SEPTIN8: variants seen among roughly 807,000 people sequenced by gnomAD.
The protein encoded by SEPTIN8 is septin-8.
Under a neutral mutation model 53.1 loss-of-function variants are expected in SEPTIN8, and 22 were observed. The ratio of observed to expected loss-of-function variants is 0.41; its 90% CI spans 0.30 to 0.59. The LOEUF is 0.59. SEPTIN8 is among the 20% of genes least tolerant of loss of function. The pLI is 0.24. For missense variants in SEPTIN8, 536 were observed against 638.7 expected, an observed-to-expected ratio of 0.84 and a Z score of 1.73; for synonymous variants, 228 against 248.4, an observed-to-expected ratio of 0.92 and a Z score of 0.77.
chr5:132,763,735 G>C lies in SEPTIN8; in HGVS notation c.505C>G (p.Leu169Val), dbSNP rs1369131612. 1 of 1,614,164 alleles carries C rather than the reference G, an allele frequency of 6.2e-7. No homozygotes were observed. The highest frequency in any genetic ancestry group is 8.5e-7 in the Non-Finnish European group (1 of 1,179,984). The stretch of plus-strand genomic sequence containing the variant: ...CTGTCTAGTTTCTTCATGGTCACTA[G>C]ATCTAGAGACTTCAGGGAGTGCCCT... ...PTGHSLKSLD[L>V]VTMKKLDSKV... The change falls in exon 4 of 10, where the codon CTA (leucine) becomes GTA (valine). Residue 169 changes from leucine (L) to valine (V), a missense_variant. Transcript: ENST00000378719.
chr5:132,774,476 C>T lies in SEPTIN8; in HGVS notation c.30+2632G>A, dbSNP rs72799432. 8.6e-4 allele frequency among the ~76,000 whole-genome samples: 131 copies of T among 152,244 alleles called. 1 individual carries two copies. The highest frequency in any genetic ancestry group is 1.4e-3 in the Non-Finnish European group (93 of 68,012). ...AAGAGTGGACAGGAATCTGGCTGCC[C>T]GAGGAAGGCAAGAGGCAACACACCC... On this transcript the variant is annotated intron_variant, in intron 1 of 9. Transcript: ENST00000378719.
At chr5:132,770,099 ATGTATATATG>A (rs1757130751) in intron 1 of SEPTIN8, among the ~76,000 whole-genome samples, 8 of 22,928 alleles carry the variant, frequency 3.5e-4, no homozygotes, top group African/African-American at 5.8e-4. Context: ...GTATATATAT[ATGTATATATG>A]TATATATATA....
Position 132,777,044 on chromosome 5 carries a change from T to A in SEPTIN8, c.30+64A>T. On this transcript the variant is annotated intron_variant, in intron 1 of 9. Transcript: ENST00000378719. The surrounding 1 kb of genome is among the most constrained non-coding windows in gnomAD (Gnocchi z 4.1). Reference sequence around the variant, plus strand: ...AGCCCGCTTCGCGCCCCCCGCCAGCTGCAGGGCGGCCCCTCCTGCGCCCCG... The same window carrying A: ...AGCCCGCTTCGCGCCCCCCGCCAGCAGCAGGGCGGCCCCTCCTGCGCCCCG... 7 of 1,022,624 alleles carry A rather than the reference T, an allele frequency of 6.8e-6. No individual in the cohort carries two copies. The highest frequency in any genetic ancestry group is 4.1e-4 in the Middle Eastern group (1 of 2,458). 63.3% of individuals were successfully genotyped at this position (1,022,624 alleles called of 1,614,324 possible). A position where few individuals can be genotyped will look rare whatever the true frequency, so the allele number is the denominator to read the frequency against.
chr5:132,768,642 T>C (rs900700537), intron 1 of SEPTIN8, among the ~76,000 whole-genome samples: 1 of 152,174 alleles, frequency 6.6e-6, no homozygotes, highest in Admixed American at 6.5e-5. Flanking sequence ...GCCCTGCAAT[T>C]TGGTGGGTGA....
intron 3 of SEPTIN8, 125 bp downstream of exon 3, chr5:132,764,099 G>T: frequency 9.2e-7 from 1 of 1,089,548 alleles, no homozygotes; most frequent in Non-Finnish European, 1.3e-6. Context: ...TGACCACAGA[G>T]CCTCAGATAT....
intron 1 of SEPTIN8, among the ~76,000 whole-genome samples, chr5:132,771,879 G>A (rs371699004): frequency 2.0e-5 from 3 of 151,906 alleles, no homozygotes; most frequent in South Asian, 4.2e-4. Flanking sequence ...AGACATACGT[G>A]GGAGGGTGGG....
chr5:132,767,384 G>A lies in SEPTIN8; in HGVS notation c.31-1855C>T, dbSNP rs536454154. 7.2e-5 allele frequency among the ~76,000 whole-genome samples: 11 copies of A among 152,024 alleles called. No individual in the cohort carries two copies. The East Asian group carries it at 7.7e-4, about 11-fold the overall frequency. On this transcript the variant is annotated intron_variant, in intron 1 of 9. Coordinates refer to ENST00000378719, the MANE Select transcript of SEPTIN8 (RefSeq NM_001098811.2). ...CTTTTCAAACTCTGCCCCTCCCCTC[G>A]GCTCTACAGCTACTCTACTTTTCCC...
In SEPTIN8 at chr5:132,750,831, T is replaced by C. The variant is rs1445041065; in HGVS notation, c.*1185A>G. 1 of 1,611,476 alleles carries C rather than the reference T, an allele frequency of 6.2e-7. No individual in the cohort carries two copies. The highest frequency in any genetic ancestry group is 8.5e-7 in the Non-Finnish European group (1 of 1,179,030). Reference sequence around the variant, plus strand: ...AGCTACTATGACATGATGTAGGGCTTTGGCCTCTTTATTTTCTTTTTACAG... The same window carrying C: ...AGCTACTATGACATGATGTAGGGCTCTGGCCTCTTTATTTTCTTTTTACAG... On this transcript the variant is annotated 3_prime_UTR_variant, in exon 10 of 10. Coordinates refer to ENST00000378719, the MANE Select transcript of SEPTIN8 (RefSeq NM_001098811.2).
chr5:132,756,498 AAG>A (rs765422038), intron 9 of SEPTIN8: 19 of 985,442 alleles, frequency 1.9e-5, no homozygotes, highest in Middle Eastern at 1.0e-3. Flanking sequence ...CAATGAGAAA[AAG>A]AGGGGTAAAT....
chr5:132,760,944 G>A lies in SEPTIN8; in HGVS notation c.1144C>T (p.Arg382Cys), dbSNP rs371228279. 34 of 1,598,422 alleles carry A rather than the reference G, an allele frequency of 2.1e-5. No homozygotes were observed. In the Middle Eastern group the frequency reaches 5.2e-4, roughly 24 times the overall value. Residue 382 changes from arginine to cysteine, a missense_variant, in exon 9 of 10, where the codon CGC becomes TGC. Arg to Cys is a radical substitution (Grantham distance 180, BLOSUM62 -3). Transcript: ENST00000378719. This position sits in a 1 kb window ranked among gnomAD's most constrained non-coding sequence, Gnocchi z 5.2. ...HLKRVHQEEKRKVEEKRRELE... is the reference protein window; with the variant it reads ...HLKRVHQEEKCKVEEKRRELE... ...TCCCGGCGCTTTTCCTCCACCTTGC[G>A]CTTCTCCTCCTGGTGGACCCGCTTC...
intron 1 of SEPTIN8, among the ~76,000 whole-genome samples, chr5:132,770,003 A>G (rs1757034123): frequency 2.0e-5 from 1 of 49,340 alleles, no homozygotes; most frequent in Non-Finnish European, 3.8e-5. Flanking sequence ...ATATATATAT[A>G]TATATATATA....
chr5:132,751,795 A>C lies in SEPTIN8; in HGVS notation c.*221T>G, dbSNP rs1179848243. ...CCCGGAGTGGAAGCTCAGCTTGGCC[A>C]CAGGATGGGCATTAAGCCTCAAGCC... is the stretch of plus-strand genomic sequence containing the variant. On this transcript the variant is annotated 3_prime_UTR_variant, in exon 10 of 10. Coordinates refer to ENST00000378719, the MANE Select transcript of SEPTIN8 (RefSeq NM_001098811.2). 4.0e-6 allele frequency: 3 copies of C among 743,916 alleles called. No individual in the cohort carries two copies. The highest frequency in any genetic ancestry group is 5.5e-5 in the East Asian group (2 of 36,100). 46.1% of individuals were successfully genotyped at this position (743,916 alleles called of 1,614,324 possible). A position where few individuals can be genotyped will look rare whatever the true frequency, so the allele number is the denominator to read the frequency against.
At chr5:132,753,636 G>A (rs1034356147) in intron 9 of SEPTIN8, 1 of 152,536 alleles carries the variant, frequency 6.6e-6, no homozygotes, top group East Asian at 1.9e-4. Flanking sequence ...AAGCAAAGTG[G>A]TTTCAGTTAT....
Position 132,764,412 on chromosome 5 carries a change from G to A in SEPTIN8, c.159C>T (p.Thr53=), listed in dbSNP as rs377672163. The change falls in exon 3 of 10, where the codon ACC becomes ACT. Residue 53 remains threonine (T), a synonymous_variant. Coordinates refer to ENST00000378719, the MANE Select transcript of SEPTIN8 (RefSeq NM_001098811.2). Reference sequence around the variant, plus strand: ...TCATCAGTGTGGATTTGCCAATGCCGGTCTCCCCTGGGCAGTGAGGACAGG... The same window carrying A: ...TCATCAGTGTGGATTTGCCAATGCCAGTCTCCCCTGGGCAGTGAGGACAGG... ...FSFNILCVGE[T]GIGKSTLMNT... is the part of the protein sequence containing the mutation. 1,038 of 1,612,298 alleles carry A rather than the reference G, an allele frequency of 6.4e-4. 1 individual carries two copies. Among genetic ancestry groups the A allele is most frequent in the African/African-American group, 1.5e-3 (113 of 74,994 alleles).
rs765190114 is a variant in SEPTIN8 at position 132,764,347 on chromosome 5, CT to C, written c.223del (p.Ser75ValfsTer25). 6.2e-7 allele frequency: 1 copy of C among 1,614,228 alleles called. No homozygotes were observed. The highest frequency in any genetic ancestry group is 8.5e-7 in the Non-Finnish European group (1 of 1,180,036). On this transcript the variant is annotated frameshift_variant, in exon 3 of 10. Transcript: ENST00000378719. LOFTEE classifies it high-confidence loss of function. The stretch of plus-strand genomic sequence containing the variant: ...CAGGCGCACGCATGCCTCATGGTGA[CT>C]GGCTTCCTCAGTCTCGAAGGTCGTG... ...FNTTFETEEA[S>X]HHEACVRLRP...
intron 9 of SEPTIN8, among the ~76,000 whole-genome samples, chr5:132,759,974 A>G (rs1379575951): frequency 6.6e-6 from 1 of 152,082 alleles, no homozygotes; most frequent in Non-Finnish European, 1.5e-5. Context: ...GTGCTGGGAA[A>G]GGCCTCCCTG....
chr5:132,763,575 C>T (rs1756223254), intron 4 of SEPTIN8, 131 bp downstream of exon 4: 1 of 780,194 alleles, frequency 1.3e-6, no homozygotes, highest in Non-Finnish European at 2.1e-6. Context: ...GAGGACCGAG[C>T]CAATGGGGGG....
intron 9 of SEPTIN8, chr5:132,758,816 G>T: frequency 6.2e-7 from 1 of 1,613,814 alleles, no homozygotes; most frequent in Non-Finnish European, 8.5e-7. Context: ...AAGTCTGTGC[G>T]TGCGTTAACT....
At position 132,760,862 on chromosome 5, in the gene SEPTIN8, T is replaced by C. The variant is rs916035511; in HGVS notation, c.1226A>G (p.Gln409Arg). The C allele has an allele frequency of 1.2e-6, 2 of 1,613,820 alleles. No individual in the cohort carries two copies. Among genetic ancestry groups the C allele is most frequent in the Non-Finnish European group, 1.7e-6 (2 of 1,179,996 alleles). The change falls in exon 9 of 10, where the codon CAG (glutamine) becomes CGG (arginine). Residue 409 changes from glutamine (Q) to arginine (R), a missense_variant. By Grantham distance (43) the Gln-to-Arg change is conservative (BLOSUM62 1). Around this residue, in one of 3 missense-constraint regions of SEPTIN8, gnomAD observed 133 missense variants for 157.4 expected, o/e 0.84. Transcript: ENST00000378719. The surrounding 1 kb of genome is among the most constrained non-coding windows in gnomAD (Gnocchi z 5.2). ...CGAGGTGGCGTGCAAGGCCTGCGAC[T>C]GCAGGGCCTCCACCGCAGCCTTCCG... Reference protein sequence around the residue: ...NRRKAAVEALQSQALHATSQQ... With the variant: ...NRRKAAVEALRSQALHATSQQ...
Sources: allele counts gnomAD v4.1 joint callset (sites outside exome capture counted in the v4.1 genomes callset), GRCh38; gene constraint gnomAD v4.1.1; regional missense constraint gnomAD v4.1.1; non-coding constraint Gnocchi (gnomAD v3.1); transcripts MANE v1.5; gene names NCBI Gene and HGNC (gene_info 2026-07-23, HGNC 2026-07-21).